GALNT13: variants seen among roughly 807,000 people sequenced by gnomAD.
The protein encoded by GALNT13 is UDP-GalNAc:polypeptide N-acetylgalactosaminyltransferase 13.
A neutral mutation model predicts 64.2 loss-of-function variants in GALNT13; 28 were observed. That is an observed-to-expected ratio of 0.44 (90% confidence interval 0.32 to 0.60). The LOEUF is 0.60. Among genes scored for constraint, GALNT13 ranks in the 20% least tolerant of loss-of-function variants. The pLI is 0.05. For synonymous variants in GALNT13, 214 were observed against 224.6 expected (o/e 0.95, Z 0.42); for missense variants, 577 against 669.8 (o/e 0.86, Z 1.53).
chr2:154,378,761 A>G lies in GALNT13; in HGVS notation c.1157-17230A>G, dbSNP rs141991769. Among the ~76,000 whole-genome samples, 780 of 152,168 alleles carry G rather than the reference A, an allele frequency of 5.1e-3. 7 individuals carry two copies. The highest frequency in any genetic ancestry group is 0.018 in the African/African-American group (742 of 41,514). ...AGATTAACCCTGATTTGATCATTAT[A>G]CAACATATATAGTATTAAAACATCA... On this transcript the variant is annotated intron_variant, in intron 9 of 12. Transcript: ENST00000392825.
chr2:153,641,896 CTA>C, the GALNT13 span, among the ~76,000 whole-genome samples: 2 of 151,874 alleles, frequency 1.3e-5, no homozygotes, highest in Non-Finnish European at 2.9e-5. Context: ...TCAGTATATT[CTA>C]TCTCATTCAT....
At chr2:153,403,273 C>T in the GALNT13 span, among the ~76,000 whole-genome samples, 1 of 151,366 alleles carries the variant, frequency 6.6e-6, no homozygotes, top group African/African-American at 2.4e-5. Flanking sequence ...CTTGAGGAGG[C>T]AGTCTGCCCG....
the GALNT13 span, among the ~76,000 whole-genome samples, chr2:153,347,934 T>C: frequency 0.46 from 70,006 of 151,942 alleles, 16,831 homozygotes; most frequent in Non-Finnish European, 0.54. Context: ...AAAAAAGGTT[T>C]CCTTTTTGGT....
At chr2:153,335,823 GC>G in the GALNT13 span, among the ~76,000 whole-genome samples, 2 of 152,176 alleles carry the variant, frequency 1.3e-5, no homozygotes, top group African/African-American at 4.8e-5. Context: ...GAACTTCACA[GC>G]AGCCCCTCCC....
At chr2:154,157,885 G>C (rs2105653273) in intron 4 of GALNT13, among the ~76,000 whole-genome samples, 1 of 152,114 alleles carries the variant, frequency 6.6e-6, no homozygotes, top group East Asian at 1.9e-4. Context: ...TTTTTCACTT[G>C]GCTTTTAAGT....
the GALNT13 span, among the ~76,000 whole-genome samples, chr2:153,728,121 C>T: frequency 6.6e-6 from 1 of 152,144 alleles, no homozygotes; most frequent in African/African-American, 2.4e-5. Flanking sequence ...GTATGTGCCA[C>T]ATTTTCTTTA....
chr2:154,447,246 CTTA>C (rs1456680176), intron 12 of GALNT13, among the ~76,000 whole-genome samples: 2 of 151,796 alleles, frequency 1.3e-5, no homozygotes, highest in Admixed American at 1.3e-4. Context: ...TCTAAAGTAT[CTTA>C]TTATTTTAAT....
chr2:154,256,099 TAGAG>T (rs146916196), intron 7 of GALNT13, among the ~76,000 whole-genome samples: 6,318 of 151,214 alleles, frequency 0.042, 189 homozygotes, highest in Non-Finnish European at 0.059. Context: ...GGTAAACAAA[TAGAG>T]AGCAGGATTG....
the GALNT13 span, among the ~76,000 whole-genome samples, chr2:153,084,925 C>T: frequency 1.3e-5 from 2 of 152,166 alleles, no homozygotes; most frequent in African/African-American, 4.8e-5. Flanking sequence ...ATGTGGAGGG[C>T]TCAGAAGAAG....
At chr2:153,257,061 C>T in the GALNT13 span, among the ~76,000 whole-genome samples, 1 of 152,336 alleles carries the variant, frequency 6.6e-6, no homozygotes, top group East Asian at 1.9e-4. Context: ...CTCGCTGCCG[C>T]CTTGCAATTT....
the GALNT13 span, among the ~76,000 whole-genome samples, chr2:153,552,744 T>C: frequency 1.5e-4 from 23 of 152,150 alleles, no homozygotes; most frequent in African/African-American, 5.3e-4. Flanking sequence ...ACCAGTTTCA[T>C]GGAAGACAAG....
chr2:153,834,967 A>C, the GALNT13 span, among the ~76,000 whole-genome samples: 1 of 152,090 alleles, frequency 6.6e-6, no homozygotes, highest in Non-Finnish European at 1.5e-5. Context: ...AGTTAAGTCA[A>C]TTGGTAGAAA....
intron 3 of GALNT13, among the ~76,000 whole-genome samples, chr2:154,122,003 C>T (rs888688422): frequency 4.0e-5 from 6 of 151,770 alleles, no homozygotes; most frequent in African/African-American, 9.7e-5. Flanking sequence ...TTATTCAAGT[C>T]GAGGAATTTC....
At chr2:153,255,560 A>T in the GALNT13 span, among the ~76,000 whole-genome samples, 1 of 151,008 alleles carries the variant, frequency 6.6e-6, no homozygotes, top group African/African-American at 2.4e-5. Flanking sequence ...GTTTCTTCCT[A>T]GTCTCGATCA....
chr2:153,326,945 G>T, the GALNT13 span, among the ~76,000 whole-genome samples: 1 of 152,114 alleles, frequency 6.6e-6, no homozygotes, highest in East Asian at 1.9e-4. Flanking sequence ...TTAGCTGGGT[G>T]TGGTGGCATG....
intron 7 of GALNT13, among the ~76,000 whole-genome samples, chr2:154,252,977 G>T (rs1198225488): frequency 6.6e-6 from 1 of 152,076 alleles, no homozygotes; most frequent in African/African-American, 2.4e-5. Context: ...AAATTAATTG[G>T]ACCCAGAAAA....
chr2:153,334,913 G>A, the GALNT13 span, among the ~76,000 whole-genome samples: 2 of 152,102 alleles, frequency 1.3e-5, no homozygotes, highest in South Asian at 2.1e-4. Flanking sequence ...AACTTAAATT[G>A]TATCTCCCAG....
the GALNT13 span, among the ~76,000 whole-genome samples, chr2:153,729,325 AT>A: frequency 6.6e-6 from 1 of 152,028 alleles, no homozygotes; most frequent in Non-Finnish European, 1.5e-5. Context: ...TTTTTAATAT[AT>A]TTTTTCTTCT....
chr2:153,620,335 G>T, the GALNT13 span, among the ~76,000 whole-genome samples: 1 of 151,966 alleles, frequency 6.6e-6, no homozygotes, highest in Admixed American at 6.6e-5. Context: ...TGTTGGTCAG[G>T]CTGGTCTTGA....
Sources: allele counts gnomAD v4.1 joint callset (sites outside exome capture counted in the v4.1 genomes callset), GRCh38; gene constraint gnomAD v4.1.1; transcripts MANE v1.5; gene names NCBI Gene and HGNC (gene_info 2026-07-23, HGNC 2026-07-21).